The following DPP6 variants were observed in gnomAD, a reference collection of about 807,000 sequenced individuals.
DPP6 encodes the protein dipeptidyl peptidase like 6.
DPP6 carries 69 observed loss-of-function variants against 122.6 expected under a neutral mutation model. That is an observed-to-expected ratio of 0.56 (90% CI 0.46 to 0.69). The LOEUF is 0.69. DPP6 is among the 30% of genes least tolerant of loss of function. The probability of loss-of-function intolerance (pLI) is 0.00; values close to 1 mark genes in which losing one functional copy is unlikely to be tolerated. For synonymous variants in DPP6, 418 were observed against 433.1 expected (o/e 0.97, Z 0.43); for missense variants, 928 against 1,116.9 (o/e 0.83, Z 2.41).
the DPP6 span, among the ~76,000 whole-genome samples, chr7:153,822,982 T>G: frequency 6.6e-6 from 1 of 152,152 alleles, no homozygotes; most frequent in African/African-American, 2.4e-5. Flanking sequence ...TTTCTAGTCT[T>G]TAGGAAAGCT....
chr7:153,926,021 C>T (rs1800882160), intron 1 of DPP6, among the ~76,000 whole-genome samples: 2 of 152,184 alleles, frequency 1.3e-5, no homozygotes, highest in South Asian at 2.1e-4. Context: ...ACACTCCTCA[C>T]ACCCGTTAGG....
chr7:154,525,351 G>A (rs1011004988), intron 3 of DPP6, among the ~76,000 whole-genome samples: 1 of 152,116 alleles, frequency 6.6e-6, no homozygotes, highest in African/African-American at 2.4e-5. Flanking sequence ...GTCTGGCTAT[G>A]TTGCCCATCT....
intron 2 of DPP6, among the ~76,000 whole-genome samples, chr7:154,472,854 T>C (rs1040650932): frequency 6.8e-6 from 1 of 146,240 alleles, no homozygotes; most frequent in African/African-American, 2.6e-5. Flanking sequence ...CTCCACCACA[T>C]ACTTTCCCTA....
chr7:154,688,311 G>A (rs1248067181), intron 7 of DPP6, among the ~76,000 whole-genome samples: 1 of 152,148 alleles, frequency 6.6e-6, no homozygotes, highest in African/African-American at 2.4e-5. Context: ...CTTTCAATAT[G>A]TGGTATAGTT....
At chr7:154,609,974 A>G (rs1586726926) in intron 5 of DPP6, among the ~76,000 whole-genome samples, 1 of 152,208 alleles carries the variant, frequency 6.6e-6, no homozygotes, top group East Asian at 1.9e-4. Context: ...TCAATATCAC[A>G]TATAACCATA....
chr7:154,389,992 T>TA (rs1350596861), intron 1 of DPP6, among the ~76,000 whole-genome samples: 1 of 152,242 alleles, frequency 6.6e-6, no homozygotes, highest in African/African-American at 2.4e-5. Flanking sequence ...AATTTGTTCT[T>TA]ACTACCTGCC....
chr7:153,875,710 G>A, the DPP6 span, among the ~76,000 whole-genome samples: 3 of 151,828 alleles, frequency 2.0e-5, no homozygotes, highest in Non-Finnish European at 4.4e-5. Context: ...TTAATAACAG[G>A]CTAATTTGAA....
the DPP6 span, among the ~76,000 whole-genome samples, chr7:153,759,465 G>C: frequency 9.2e-5 from 14 of 151,914 alleles, no homozygotes; most frequent in Non-Finnish European, 2.9e-5. Flanking sequence ...GGGACTACAG[G>C]CACGCACCAC....
Position 154,486,880 on chromosome 7 carries a change from G to T in DPP6, c.457+11843G>T, listed in dbSNP as rs949974333. 6.6e-6 allele frequency among the ~76,000 whole-genome samples: 1 copy of T among 152,184 alleles called. No homozygotes were observed. Among genetic ancestry groups the T allele is most frequent in the Non-Finnish European group, 1.5e-5 (1 of 68,042 alleles). ...CTCTAGTTCCTAACTGATGGATGAT[G>T]CTGGGCCCCGCTGTTGATGCTGCTT... On this transcript the variant is annotated intron_variant, in intron 3 of 25. Coordinates refer to ENST00000377770, the MANE Select transcript of DPP6 (RefSeq NM_130797.4). This position sits in a 1 kb window ranked among gnomAD's most constrained non-coding sequence, Gnocchi z 4.5.
intron 3 of DPP6, among the ~76,000 whole-genome samples, chr7:154,503,307 T>C (rs1394058695): frequency 6.6e-6 from 1 of 152,222 alleles, no homozygotes; most frequent in Non-Finnish European, 1.5e-5. Context: ...AAACAGAGCC[T>C]CAAGGTAAAA....
intron 10 of DPP6, among the ~76,000 whole-genome samples, chr7:154,792,271 A>G (rs1333460738): frequency 6.6e-6 from 1 of 152,222 alleles, no homozygotes; most frequent in Non-Finnish European, 1.5e-5. Context: ...CACACGTCCC[A>G]TGGTAGGGAA....
At chr7:154,317,235 G>A (rs573866134) in intron 1 of DPP6, among the ~76,000 whole-genome samples, 3 of 152,080 alleles carry the variant, frequency 2.0e-5, no homozygotes, top group Non-Finnish European at 4.4e-5. Context: ...GGTGGCTCAC[G>A]CCTGTAATCA....
the DPP6 span, among the ~76,000 whole-genome samples, chr7:153,875,790 T>C: frequency 2.1e-4 from 32 of 152,024 alleles, no homozygotes; most frequent in Non-Finnish European, 2.5e-4. Flanking sequence ...GTAAGATTGA[T>C]TGGAATGCCA....
intron 1 of DPP6, among the ~76,000 whole-genome samples, chr7:154,041,481 T>C (rs1463292276): frequency 2.6e-5 from 4 of 152,210 alleles, no homozygotes; most frequent in South Asian, 4.1e-4. Flanking sequence ...GCTGATAGGA[T>C]TGGCCTCTCT....
chr7:154,738,291 G>T (rs1050753898), intron 8 of DPP6, among the ~76,000 whole-genome samples: 1 of 152,226 alleles, frequency 6.6e-6, no homozygotes. Context: ...TGGTCTGTGG[G>T]TTTCTCCCAA....
chr7:154,885,928 A>G (rs555618499), intron 22 of DPP6, among the ~76,000 whole-genome samples, 184 bp downstream of exon 22: 4 of 152,322 alleles, frequency 2.6e-5, no homozygotes, highest in African/African-American at 9.6e-5. Flanking sequence ...GTCTCAGGTA[A>G]TATGTTTTGA....
At chr7:153,958,967 T>A (rs1415102625) in intron 1 of DPP6, among the ~76,000 whole-genome samples, 15 of 151,996 alleles carry the variant, frequency 9.9e-5, no homozygotes, top group African/African-American at 1.7e-4. Context: ...TTTACCTGCT[T>A]GGCAGAGCAC....
the DPP6 span, among the ~76,000 whole-genome samples, chr7:153,861,997 A>G: frequency 1.3e-5 from 2 of 152,174 alleles, no homozygotes; most frequent in African/African-American, 2.4e-5. Context: ...TTGCAATGGC[A>G]GAGAATATGA....
intron 1 of DPP6, among the ~76,000 whole-genome samples, chr7:154,295,183 G>T (rs4075742): frequency 0.016 from 2,435 of 152,314 alleles, 60 homozygotes; most frequent in East Asian, 0.039. Flanking sequence ...TCAAACTGTC[G>T]CAGGGTTAGT....
Sources: allele counts gnomAD v4.1 joint callset (sites outside exome capture counted in the v4.1 genomes callset), GRCh38; gene constraint gnomAD v4.1.1; non-coding constraint Gnocchi (gnomAD v3.1); transcripts MANE v1.5; gene names NCBI Gene and HGNC (gene_info 2026-07-23, HGNC 2026-07-21).